The following ANP32A variants were observed in gnomAD, a reference collection of about 807,000 sequenced individuals.
ANP32A encodes the protein acidic nuclear phosphoprotein 32 family member A.
Under a neutral mutation model 33.9 loss-of-function variants are expected in ANP32A, and 1 was observed. The observed-to-expected ratio is 0.03, with a 90% confidence interval of 0.01 to 0.14. ANP32A has a LOEUF of 0.14. Ranked by LOEUF, ANP32A falls within the 10% of genes least tolerant of loss-of-function variation. ANP32A has a pLI of 1.00. For missense variants in ANP32A, 155 were observed against 306.0 expected, an observed-to-expected ratio of 0.51 and a Z score of 3.68; for synonymous variants, 115 against 120.5, an observed-to-expected ratio of 0.95 and a Z score of 0.30.
At chr15:68,814,493 G>C (rs1447429558) in intron 1 of ANP32A, among the ~76,000 whole-genome samples, 2 of 152,070 alleles carry the variant, frequency 1.3e-5, no homozygotes, top group African/African-American at 4.8e-5. Flanking sequence ...TGTAAGTCTA[G>C]AGTAAGCCAC....
At chr15:68,781,280 G>A (rs899873556) in intron 5 of ANP32A, 2 of 150,236 alleles carry the variant, frequency 1.3e-5, no homozygotes, top group African/African-American at 2.4e-5. Context: ...GTTTTTTTTT[G>A]CATGTATAAG....
At chr15:68,788,265 C>A (rs1567034893) in intron 1 of ANP32A, among the ~76,000 whole-genome samples, 4 of 152,206 alleles carry the variant, frequency 2.6e-5, no homozygotes, top group Admixed American at 6.5e-5. Flanking sequence ...CAACCCTGCT[C>A]TCGCATTCTC....
intron 1 of ANP32A, among the ~76,000 whole-genome samples, chr15:68,793,978 G>T (rs949569701): frequency 3.3e-5 from 5 of 152,168 alleles, no homozygotes; most frequent in African/African-American, 1.2e-4. Flanking sequence ...GAGGCAACAA[G>T]GAAAGGTGGA....
chr15:68,796,573 A>C (rs1894067062), intron 1 of ANP32A, among the ~76,000 whole-genome samples: 1 of 152,216 alleles, frequency 6.6e-6, no homozygotes, highest in South Asian at 2.1e-4. Flanking sequence ...ATGCTGGAAG[A>C]CTGAAGAGGT....
chr15:68,802,611 C>G (rs1477093109), intron 1 of ANP32A, among the ~76,000 whole-genome samples: 1 of 152,200 alleles, frequency 6.6e-6, no homozygotes, highest in African/African-American at 2.4e-5. Context: ...GATCCCATTT[C>G]TGACCTACAG....
At chr15:68,811,711 T>C (rs565468372) in intron 1 of ANP32A, among the ~76,000 whole-genome samples, 2 of 152,286 alleles carry the variant, frequency 1.3e-5, no homozygotes, top group Admixed American at 6.5e-5. Flanking sequence ...ATGGTTACTT[T>C]TGTATGTAAT....
rs536284491 is a variant in ANP32A at position 68,779,689 on chromosome 15, C to T, written c.*392G>A. On this transcript the variant is annotated 3_prime_UTR_variant, in exon 7 of 7. Coordinates refer to ENST00000465139, the MANE Select transcript of ANP32A (RefSeq NM_006305.4). The stretch of plus-strand genomic sequence containing the variant: ...CCCTCCTGGGCATTGAGTAACCAAA[C>T]TGAGACCAGCCACAGCCTTCCAACC... 1.7e-5 allele frequency: 3 copies of T among 177,450 alleles called. No individual in the cohort carries two copies. Among genetic ancestry groups the T allele is most frequent in the African/African-American group, 7.1e-5 (3 of 42,260 alleles). The allele number at this position is 177,450 out of a possible 1,614,324, so 11.0% of individuals were successfully genotyped here. A position where few individuals can be genotyped will look rare whatever the true frequency, so the allele number is the denominator to read the frequency against.
At chr15:68,813,532 A>G (rs1309227340) in intron 1 of ANP32A, among the ~76,000 whole-genome samples, 1 of 152,238 alleles carries the variant, frequency 6.6e-6, no homozygotes, top group Non-Finnish European at 1.5e-5. Context: ...GAAGATTCAG[A>G]GTCAGGTCCA....
At chr15:68,793,558 G>A (rs144659254) in intron 1 of ANP32A, among the ~76,000 whole-genome samples, 1 of 152,272 alleles carries the variant, frequency 6.6e-6, no homozygotes, top group East Asian at 1.9e-4. Flanking sequence ...CCGGCTGGGA[G>A]GAGACAGCCA....
At chr15:68,806,579 C>T (rs574877125) in intron 1 of ANP32A, among the ~76,000 whole-genome samples, 8 of 152,336 alleles carry the variant, frequency 5.3e-5, no homozygotes, top group Admixed American at 4.6e-4. Context: ...TTAACCAAGA[C>T]ACAGAAAGGC....
At chr15:68,820,630 G>GCACA in intron 1 of ANP32A, 68 bp downstream of exon 1, 1 of 1,155,816 alleles carries the variant, frequency 8.7e-7, no homozygotes, top group South Asian at 1.4e-5. Flanking sequence ...TCCCCCCAGC[G>GCACA]CGCACACACA....
rs1893857307 is a variant in ANP32A, at chr15:68,780,758, G to A, written c.625-285C>T. 2.8e-6 allele frequency: 1 copy of A among 354,612 alleles called. No homozygotes were observed. Among genetic ancestry groups the A allele is most frequent in the African/African-American group, 2.1e-5 (1 of 47,560 alleles). The allele number at this position is 354,612 out of a possible 1,614,324, so 22.0% of individuals were successfully genotyped here. A position where few individuals can be genotyped will look rare whatever the true frequency, so the allele number is the denominator to read the frequency against. ...GGGGGTTATGGATTCCAGGACCCAGGTTAAGAACTCTGATCTGAAGTCCCT... is the reference window on the plus strand; with the variant it reads ...GGGGGTTATGGATTCCAGGACCCAGATTAAGAACTCTGATCTGAAGTCCCT... On this transcript the variant is annotated intron_variant, in intron 5 of 6. Coordinates refer to ENST00000465139, the MANE Select transcript of ANP32A (RefSeq NM_006305.4). This position sits in a 1 kb window ranked among gnomAD's most constrained non-coding sequence, Gnocchi z 4.3.
At chr15:68,782,620 T>C (rs1202460766) in intron 5 of ANP32A, among the ~76,000 whole-genome samples, 2 of 152,254 alleles carry the variant, frequency 1.3e-5, no homozygotes, top group African/African-American at 4.8e-5. Flanking sequence ...TCAATGAATA[T>C]CTTAATTAGC....
At chr15:68,781,878 A>C (rs1395018564) in intron 5 of ANP32A, among the ~76,000 whole-genome samples, 1 of 152,170 alleles carries the variant, frequency 6.6e-6, no homozygotes, top group African/African-American at 2.4e-5. Flanking sequence ...TGCTAGGATT[A>C]CAGGCGTGAG....
At chr15:68,812,221 T>C (rs1284975036) in intron 1 of ANP32A, among the ~76,000 whole-genome samples, 3 of 152,062 alleles carry the variant, frequency 2.0e-5, no homozygotes, top group African/African-American at 4.8e-5. Context: ...AGTGCCACAG[T>C]TGGAAGTGGC....
intron 1 of ANP32A, among the ~76,000 whole-genome samples, chr15:68,815,822 A>C (rs1380840547): frequency 6.6e-6 from 1 of 152,218 alleles, no homozygotes; most frequent in African/African-American, 2.4e-5. Context: ...CAGGGGTGGC[A>C]TTGCACTGCT....
intron 1 of ANP32A, among the ~76,000 whole-genome samples, chr15:68,811,375 G>A (rs1164420741): frequency 6.6e-6 from 1 of 152,178 alleles, no homozygotes; most frequent in African/African-American, 2.4e-5. Flanking sequence ...AGGAACAAGG[G>A]AACTGAGGGA....
Position 68,786,692 on chromosome 15 carries a change from G to A in ANP32A, c.327+721C>T, listed in dbSNP as rs145510856. 5.9e-3 allele frequency among the ~76,000 whole-genome samples: 895 copies of A among 152,238 alleles called. 6 individuals carry two copies. The highest frequency in any genetic ancestry group is 6.5e-3 in the Non-Finnish European group (441 of 68,016). On this transcript the variant is annotated intron_variant, in intron 3 of 6. Transcript: ENST00000465139. ...TTCCTTAAAATCAAAGGAATACAGC[G>A]AATCAGATCCTGGTAATTATAGAAA...
chr15:68,787,309 A>C, intron 3 of ANP32A, 104 bp downstream of exon 3: 1 of 1,513,652 alleles, frequency 6.6e-7, no homozygotes, highest in Non-Finnish European at 9.1e-7. Flanking sequence ...CATGAGAGTC[A>C]AAAAAATTAA....
Sources: allele counts gnomAD v4.1 joint callset (sites outside exome capture counted in the v4.1 genomes callset), GRCh38; gene constraint gnomAD v4.1.1; non-coding constraint Gnocchi (gnomAD v3.1); transcripts MANE v1.5; gene names NCBI Gene and HGNC (gene_info 2026-07-23, HGNC 2026-07-21).